SOX3: variants seen among roughly 807,000 people sequenced by gnomAD.
SOX3 encodes transcription factor SOX-3.
A neutral mutation model predicts 4.6 loss-of-function variants in SOX3; 2 were observed. The observed-to-expected ratio is 0.43, with a 90% confidence interval of 0.18 to 1.36. The LOEUF (loss-of-function observed/expected upper bound fraction) is 1.36. Ranked by LOEUF, SOX3 falls within the 40% of genes most tolerant of loss-of-function variation. The pLI is 0.28. For missense variants in SOX3, 326 were observed against 441.9 expected (o/e 0.74, Z 2.35); for synonymous variants, 244 against 215.9 (o/e 1.13, Z -1.14).
chrX:140,503,705 AGC>A lies in SOX3; in HGVS notation c.*13_*14del, dbSNP rs753772803. ...TGGGGGTGGGGAACAAGGGTGGACGAGCGCAGGCCGGTGCTCAGATGTGGGTC... is the reference window on the plus strand; with the variant it reads ...TGGGGGTGGGGAACAAGGGTGGACGAGCAGGCCGGTGCTCAGATGTGGGTC... On this transcript the variant is annotated 3_prime_UTR_variant, in exon 1 of 1. Transcript: ENST00000370536. 388 of 1,161,509 alleles carry A rather than the reference AGC, an allele frequency of 3.3e-4. No homozygotes were observed. In the East Asian group the frequency reaches 0.01, roughly 31 times the overall value.
In SOX3 at chrX:140,503,993, C is replaced by A. The variant is rs1412556300; in HGVS notation, c.1068G>T (p.Ala356=). The A allele has an allele frequency of 1.0e-5, 10 of 1,001,975 alleles. No individual in the cohort carries two copies. Among genetic ancestry groups the A allele is most frequent in the Non-Finnish European group, 1.3e-5 (10 of 795,052 alleles). 82.6% of individuals were successfully genotyped at this position (1,001,975 alleles called of 1,213,427 possible). ...AAYGQQPATA[A]AAAAAAAAMS... is the part of the protein sequence containing the mutation. ...TGGCGGCTGCGGCCGCAGCTGCGGC[C>A]GCGGCGGTGGCGGGCTGCTGCCCGT... Residue 356 remains alanine (A), a synonymous_variant, in exon 1 of 1, where the codon GCG becomes GCT. Transcript: ENST00000370536.
rs1165273883 is a variant in SOX3 at position 140,504,467 on chromosome X, C to A, written c.594G>T (p.Val198=). Residue 198 remains valine (V), a synonymous_variant, in exon 1 of 1, where the codon GTG becomes GTT. Transcript: ENST00000370536. ...TGTAGTCCGGATACTCCTTCATGTG[C>A]ACGGCGCGAAGTCGCTTGGCCTCGT... ...FIDEAKRLRA[V]HMKEYPDYKY... 4 of 1,211,889 alleles carry A rather than the reference C, an allele frequency of 3.3e-6. No homozygotes were observed. Among genetic ancestry groups the A allele is most frequent in the Non-Finnish European group, 4.5e-6 (4 of 895,489 alleles).
In SOX3 at chrX:140,504,825, A is replaced by T; in HGVS notation, c.236T>A (p.Leu79His). ...HLLPAPAMYSLLETELKNPVG... is the reference protein window; with the variant it reads ...HLLPAPAMYSHLETELKNPVG... ...GGGGTTCTTGAGTTCAGTCTCCAGA[A>T]GGCTGTACATTGCCGGGGCGGGAAG... The change falls in exon 1 of 1, where the codon CTT (leucine) becomes CAT (histidine). Residue 79 changes from leucine to histidine, a missense_variant. Around this residue, in one of 6 missense-constraint regions of SOX3, gnomAD observed 64 missense variants for 83.8 expected, o/e 0.76. Coordinates refer to ENST00000370536, the MANE Select transcript of SOX3 (RefSeq NM_005634.3). 1 of 1,175,906 alleles carries T rather than the reference A, an allele frequency of 8.5e-7. No homozygotes were observed. Among genetic ancestry groups the T allele is most frequent in the Non-Finnish European group, 1.1e-6 (1 of 877,463 alleles).
Position 140,503,366 on chromosome X carries a change from C to G in SOX3, c.*354G>C, listed in dbSNP as rs1927291916. On this transcript the variant is annotated 3_prime_UTR_variant, in exon 1 of 1. Coordinates refer to ENST00000370536, the MANE Select transcript of SOX3 (RefSeq NM_005634.3). ...CTCCCATTCACTCCTTGGCTAACTG[C>G]AAACTAACAAGACAACATTTTCAAA... 6.2e-6 allele frequency: 1 copy of G among 160,842 alleles called. No homozygotes were observed. The highest frequency in any genetic ancestry group is 1.2e-5 in the Non-Finnish European group (1 of 84,087). 13.3% of individuals were successfully genotyped at this position (160,842 alleles called of 1,213,427 possible). A position where few individuals can be genotyped will look rare whatever the true frequency, so the allele number is the denominator to read the frequency against.
Position 140,504,389 on chromosome X carries a change from G to C in SOX3, c.672C>G (p.Ser224=), listed in dbSNP as rs151310978. Residue 224 remains serine, a synonymous_variant, in exon 1 of 1, where the codon TCC becomes TCG. Transcript: ENST00000370536. Reference sequence around the variant, plus strand: ...CGGGAGGCAGGAGGCCGCTGGGCAGGGAGTACTTATCTTTCTTGAGCAGCG... The same window carrying C: ...CGGGAGGCAGGAGGCCGCTGGGCAGCGAGTACTTATCTTTCTTGAGCAGCG... ...TKTLLKKDKY[S]LPSGLLPPGA... The C allele has an allele frequency of 5.5e-5, 66 of 1,208,518 alleles. No homozygotes were observed. Among genetic ancestry groups the C allele is most frequent in the Non-Finnish European group, 7.2e-5 (64 of 894,304 alleles).
Position 140,503,576 on chromosome X carries a change from A to C in SOX3, c.*144T>G. 1 of 631,857 alleles carries C rather than the reference A, an allele frequency of 1.6e-6. No individual in the cohort carries two copies. Among genetic ancestry groups the C allele is most frequent in the Non-Finnish European group, 2.3e-6 (1 of 437,060 alleles). 52.1% of individuals were successfully genotyped at this position (631,857 alleles called of 1,213,427 possible). ...CTTTTGTACAAAACCCGACAGCTAC[A>C]GCAAAACTTTCAGCCCTCCCCATCA... On this transcript the variant is annotated 3_prime_UTR_variant, in exon 1 of 1. Transcript: ENST00000370536.
chrX:140,504,680 C>T lies in SOX3; in HGVS notation c.381G>A (p.Ala127=), dbSNP rs1298824369. ...GGTCTGTACCCCCGCCACCTCCGCT[C>T]GCACCACCGCTGCTGCCGCCGCCCG... ...ANSGGGSSGG[A]SGGGGGTDQD... The change falls in exon 1 of 1, where the codon GCG becomes GCA. Residue 127 remains alanine (A), a synonymous_variant. Coordinates refer to ENST00000370536, the MANE Select transcript of SOX3 (RefSeq NM_005634.3). The T allele has an allele frequency of 8.3e-7, 1 of 1,206,029 alleles. No homozygotes were observed. The highest frequency in any genetic ancestry group is 2.2e-5 in the Admixed American group (1 of 45,647).
chrX:140,504,664 C>G lies in SOX3; in HGVS notation c.397G>C (p.Gly133Arg). ...SSGGASGGGG[G>R]TDQDRVKRPM... Reference sequence around the variant, plus strand: ...CGTTTCACACGGTCCTGGTCTGTACCCCCGCCACCTCCGCTCGCACCACCG... The same window carrying G: ...CGTTTCACACGGTCCTGGTCTGTACGCCCGCCACCTCCGCTCGCACCACCG... Residue 133 changes from glycine (G) to arginine (R), a missense_variant, in exon 1 of 1, where the codon GGT becomes CGT. By Grantham distance (125) the Gly-to-Arg change is moderately radical. Coordinates refer to ENST00000370536, the MANE Select transcript of SOX3 (RefSeq NM_005634.3). 8.3e-7 allele frequency: 1 copy of G among 1,209,463 alleles called. No homozygotes were observed. The highest frequency in any genetic ancestry group is 1.1e-6 in the Non-Finnish European group (1 of 893,973).
chrX:140,504,948 C>T lies in SOX3; in HGVS notation c.113G>A (p.Arg38Lys), dbSNP rs905035128. Residue 38 changes from arginine (R) to lysine (K), a missense_variant, in exon 1 of 1, where the codon AGG becomes AAG. Arg to Lys is a conservative substitution (Grantham distance 26, BLOSUM62 2). Coordinates refer to ENST00000370536, the MANE Select transcript of SOX3 (RefSeq NM_005634.3). ...CTCCGTCGGAGCGGAGCTTGGGGGC[C>T]TGTGGGCCAGCGAGTCCGGCGGGAA... ...LPFPPDSLAH[R>K]PPSSAPTESQ... is the part of the protein sequence containing the mutation. The T allele has an allele frequency of 2.5e-6, 3 of 1,204,118 alleles. No individual in the cohort carries two copies. In the Admixed American group the frequency reaches 6.6e-5, roughly 26 times the overall value.
In SOX3 at chrX:140,503,388, C is replaced by G. The variant is rs193023875; in HGVS notation, c.*332G>C. 1 of 192,705 alleles carries G rather than the reference C, an allele frequency of 5.2e-6. No homozygotes were observed. Among genetic ancestry groups the G allele is most frequent in the East Asian group, 9.2e-5 (1 of 10,908 alleles). 15.9% of individuals were successfully genotyped at this position (192,705 alleles called of 1,213,427 possible). ...CTGCAAACTAACAAGACAACATTTT[C>G]AAATGTAACAGAATAACCCTGGAAC... On this transcript the variant is annotated 3_prime_UTR_variant, in exon 1 of 1. Coordinates refer to ENST00000370536, the MANE Select transcript of SOX3 (RefSeq NM_005634.3).
At position 140,504,186 on chromosome X, in the gene SOX3, G is replaced by A; in HGVS notation, c.875C>T (p.Pro292Leu). Reference sequence around the variant, plus strand: ...GTGCATCGGCGGCAGCGCGGGCGGCGGCGGCGGGCTGCTCATGCTCGGGGG... The same window carrying A: ...GTGCATCGGCGGCAGCGCGGGCGGCAGCGGCGGGCTGCTCATGCTCGGGGG... ...AQPPSMSSPP[P>L]PPALPPMHRY... The change falls in exon 1 of 1, where the codon CCG (proline) becomes CTG (leucine). Residue 292 changes from proline (P) to leucine (L), a missense_variant. Coordinates refer to ENST00000370536, the MANE Select transcript of SOX3 (RefSeq NM_005634.3). 9.2e-7 allele frequency: 1 copy of A among 1,085,168 alleles called. No homozygotes were observed. Among genetic ancestry groups the A allele is most frequent in the Non-Finnish European group, 1.2e-6 (1 of 837,435 alleles). The allele number at this position is 1,085,168 out of a possible 1,213,427, so 89.4% of individuals were successfully genotyped here.
Position 140,503,549 on chromosome X carries a change from T to A in SOX3, c.*171A>T. On this transcript the variant is annotated 3_prime_UTR_variant, in exon 1 of 1. Transcript: ENST00000370536. ...ATTTTCGCTGCTCCTGACTTATTTT[T>A]GCTTTTGTACAAAACCCGACAGCTA... The A allele has an allele frequency of 2.1e-6, 1 of 475,343 alleles. No individual in the cohort carries two copies. Among genetic ancestry groups the A allele is most frequent in the Non-Finnish European group, 3.4e-6 (1 of 297,107 alleles). 39.2% of individuals were successfully genotyped at this position (475,343 alleles called of 1,213,427 possible).
chrX:140,503,430 G>T lies in SOX3; in HGVS notation c.*290C>A. On this transcript the variant is annotated 3_prime_UTR_variant, in exon 1 of 1. Transcript: ENST00000370536. ...CCCTGGAACTCAGGAGGAGGAGTGG[G>T]GGCTGTTTTTTCTTTGCAAATAACA... is the stretch of plus-strand genomic sequence containing the variant. 3.5e-6 allele frequency: 1 copy of T among 284,950 alleles called. No homozygotes were observed. Among genetic ancestry groups the T allele is most frequent in the Non-Finnish European group, 6.2e-6 (1 of 160,812 alleles). The allele number at this position is 284,950 out of a possible 1,213,427, so 23.5% of individuals were successfully genotyped here.
chrX:140,504,244 A>G lies in SOX3; in HGVS notation c.817T>C (p.Ser273Pro). 8.9e-7 allele frequency: 1 copy of G among 1,117,632 alleles called. No individual in the cohort carries two copies. The allele number at this position is 1,117,632 out of a possible 1,213,427, so 92.1% of individuals were successfully genotyped here. A position where few individuals can be genotyped will look rare whatever the true frequency, so the allele number is the denominator to read the frequency against. ...HVNGWANGAY[S>P]LVQEQLGYAQ... The stretch of plus-strand genomic sequence containing the variant: ...TAGCCCAGCTGCTCCTGCACCAGCG[A>G]GTACGCGCCGTTGGCCCAGCCGTTC... The change falls in exon 1 of 1, where the codon TCG becomes CCG. Residue 273 changes from serine to proline, a missense_variant. Ser to Pro is a moderately conservative substitution (Grantham distance 74, BLOSUM62 -1). Coordinates refer to ENST00000370536, the MANE Select transcript of SOX3 (RefSeq NM_005634.3).
rs753878494 is a variant in SOX3, at chrX:140,503,714, C to G, written c.*6G>C. 2 of 1,170,828 alleles carry G rather than the reference C, an allele frequency of 1.7e-6. No individual in the cohort carries two copies. Among genetic ancestry groups the G allele is most frequent in the South Asian group, 1.9e-5 (1 of 52,776 alleles). The stretch of plus-strand genomic sequence containing the variant: ...GGAACAAGGGTGGACGAGCGCAGGC[C>G]GGTGCTCAGATGTGGGTCAGCGGCA... On this transcript the variant is annotated 3_prime_UTR_variant, in exon 1 of 1. Coordinates refer to ENST00000370536, the MANE Select transcript of SOX3 (RefSeq NM_005634.3).
At position 140,503,515 on chromosome X, in the gene SOX3, A is replaced by G. The variant is rs1927296864; in HGVS notation, c.*205T>C. 2.5e-6 allele frequency: 1 copy of G among 403,776 alleles called. No individual in the cohort carries two copies. Among genetic ancestry groups the G allele is most frequent in the Non-Finnish European group, 4.3e-6 (1 of 233,873 alleles). The allele number at this position is 403,776 out of a possible 1,213,427, so 33.3% of individuals were successfully genotyped here. A position where few individuals can be genotyped will look rare whatever the true frequency, so the allele number is the denominator to read the frequency against. Reference sequence around the variant, plus strand: ...GCGGCGTGGGGCAAGAGAGCTCTCTAGAAGTCCCATTTTCGCTGCTCCTGA... The same window carrying G: ...GCGGCGTGGGGCAAGAGAGCTCTCTGGAAGTCCCATTTTCGCTGCTCCTGA... On this transcript the variant is annotated 3_prime_UTR_variant, in exon 1 of 1. Transcript: ENST00000370536.
chrX:140,504,811 G>A lies in SOX3; in HGVS notation c.250C>T (p.Leu84Phe). ...GTGGGTGTCCCTACGGGGTTCTTGA[G>A]TTCAGTCTCCAGAAGGCTGTACATT... ...PAMYSLLETE[L>F]KNPVGTPTQA... Residue 84 changes from leucine (L) to phenylalanine (F), a missense_variant, in exon 1 of 1, where the codon CTC (leucine) becomes TTC (phenylalanine). Leu to Phe is a conservative substitution (Grantham distance 22, BLOSUM62 0). Around this residue, in one of 6 missense-constraint regions of SOX3, gnomAD observed 64 missense variants for 83.8 expected, o/e 0.76. Coordinates refer to ENST00000370536, the MANE Select transcript of SOX3 (RefSeq NM_005634.3). 1 of 1,172,603 alleles carries A rather than the reference G, an allele frequency of 8.5e-7. No homozygotes were observed. The highest frequency in any genetic ancestry group is 1.1e-6 in the Non-Finnish European group (1 of 876,355).
chrX:140,503,708 G>T lies in SOX3; in HGVS notation c.*12C>A. The stretch of plus-strand genomic sequence containing the variant: ...GGGTGGGGAACAAGGGTGGACGAGC[G>T]CAGGCCGGTGCTCAGATGTGGGTCA... On this transcript the variant is annotated 3_prime_UTR_variant, in exon 1 of 1. Coordinates refer to ENST00000370536, the MANE Select transcript of SOX3 (RefSeq NM_005634.3). The T allele has an allele frequency of 8.6e-7, 1 of 1,165,659 alleles. No individual in the cohort carries two copies. Among genetic ancestry groups the T allele is most frequent in the Non-Finnish European group, 1.1e-6 (1 of 877,333 alleles).
chrX:140,504,296 GC>G lies in SOX3; in HGVS notation c.764del (p.Gly255AlafsTer10). ...CGTGCGTGTACGTGTCCAGGCGCTG[GC>G]CCACGCCCACCGGACTGCTGGCGGC... is the stretch of plus-strand genomic sequence containing the variant. ...AAAASSPVGV[G>X]QRLDTYTHVN... On this transcript the variant is annotated frameshift_variant, in exon 1 of 1. Coordinates refer to ENST00000370536, the MANE Select transcript of SOX3 (RefSeq NM_005634.3). LOFTEE classifies it high-confidence loss of function. 9.3e-7 allele frequency: 1 copy of G among 1,075,501 alleles called. No homozygotes were observed. Among genetic ancestry groups the G allele is most frequent in the Non-Finnish European group, 1.2e-6 (1 of 830,755 alleles). The allele number at this position is 1,075,501 out of a possible 1,213,427, so 88.6% of individuals were successfully genotyped here.
Sources: allele counts gnomAD v4.1 joint callset, GRCh38; gene constraint gnomAD v4.1.1; regional missense constraint gnomAD v4.1.1; transcripts MANE v1.5; gene names NCBI Gene and HGNC (gene_info 2026-07-23, HGNC 2026-07-21).